ULK4: variants seen among roughly 807,000 people sequenced by gnomAD.
ULK4 encodes the protein inactive serine/threonine-protein kinase ULK4.
ULK4 carries 133 observed loss-of-function variants against 160.6 expected under a neutral mutation model. That is an observed-to-expected ratio of 0.83 (90% confidence interval 0.72 to 0.96). ULK4 has a LOEUF of 0.96. ULK4 is among the 40% of genes least tolerant of loss of function. The pLI is 0.00. For synonymous variants in ULK4, 534 were observed against 539.8 expected, an observed-to-expected ratio of 0.99 and a Z score of 0.15; for missense variants, 1,580 against 1,499.5, an observed-to-expected ratio of 1.05 and a Z score of -0.89.
intron 32 of ULK4, among the ~76,000 whole-genome samples, chr3:41,545,893 A>AT (rs1471701767): frequency 1.3e-5 from 2 of 151,974 alleles, no homozygotes; most frequent in South Asian, 2.1e-4. Context: ...CAGCCAGGTA[A>AT]TTTTTTTGTT....
At chr3:41,814,206 T>C (rs2040899062) in intron 19 of ULK4, among the ~76,000 whole-genome samples, 1 of 152,226 alleles carries the variant, frequency 6.6e-6, no homozygotes, top group Admixed American at 6.5e-5. Context: ...CAAGGATTTA[T>C]ATTGGTTGGA....
chr3:41,514,971 C>T (rs2085702401), intron 32 of ULK4, among the ~76,000 whole-genome samples: 1 of 152,026 alleles, frequency 6.6e-6, no homozygotes, highest in African/African-American at 2.4e-5. Context: ...AACAGATATG[C>T]TGGCTGTGCA....
At chr3:41,926,155 T>A (rs540623569) in intron 5 of ULK4, among the ~76,000 whole-genome samples, 1 of 152,272 alleles carries the variant, frequency 6.6e-6, no homozygotes, top group South Asian at 2.1e-4. Context: ...GAGGAAGGAA[T>A]AGGCAGCAAT....
chr3:41,661,410 T>G (rs1176357102), intron 30 of ULK4, among the ~76,000 whole-genome samples: 2 of 152,012 alleles, frequency 1.3e-5, no homozygotes, highest in African/African-American at 2.4e-5. Context: ...CGTGCCCACA[T>G]GTACACAGGT....
intron 35 of ULK4, among the ~76,000 whole-genome samples, chr3:41,350,808 T>C (rs2080894736): frequency 6.6e-6 from 1 of 152,312 alleles, no homozygotes; most frequent in Admixed American, 6.5e-5. Context: ...AGATTTCTTT[T>C]TGGAGAGAAA....
chr3:41,687,058 G>C (rs1023660826), intron 27 of ULK4, among the ~76,000 whole-genome samples: 2 of 151,974 alleles, frequency 1.3e-5, no homozygotes, highest in African/African-American at 2.4e-5. Context: ...ACTCCAGCCT[G>C]GGCGACAAAA....
At chr3:41,403,513 T>C (rs958776690) in intron 34 of ULK4, among the ~76,000 whole-genome samples, 1 of 152,188 alleles carries the variant, frequency 6.6e-6, no homozygotes, top group Non-Finnish European at 1.5e-5. Flanking sequence ...GGTTTTTCAA[T>C]TGTACTGATT....
chr3:41,443,843 C>G (rs1224053080), intron 34 of ULK4, among the ~76,000 whole-genome samples: 3 of 151,896 alleles, frequency 2.0e-5, no homozygotes, highest in East Asian at 3.9e-4. Flanking sequence ...ACTTATGTTA[C>G]AAATATTTTC....
intron 29 of ULK4, among the ~76,000 whole-genome samples, chr3:41,677,264 T>C (rs947844818): frequency 1.3e-5 from 2 of 151,890 alleles, no homozygotes; most frequent in African/African-American, 2.4e-5. Context: ...ACTCAAATAC[T>C]ATCTCTTTAT....
chr3:41,428,750 C>T (rs1403201536), intron 34 of ULK4, among the ~76,000 whole-genome samples: 1 of 152,024 alleles, frequency 6.6e-6, no homozygotes. Flanking sequence ...CCCTTCCTTA[C>T]AATATATACA....
intron 27 of ULK4, among the ~76,000 whole-genome samples, chr3:41,687,245 C>T (rs1038240111): frequency 4.0e-5 from 6 of 151,676 alleles, no homozygotes; most frequent in African/African-American, 9.7e-5. Context: ...TGGTGGCGCA[C>T]GCCTGTAGTC....
At chr3:41,807,373 C>T (rs1193168703) in intron 19 of ULK4, among the ~76,000 whole-genome samples, 1 of 151,966 alleles carries the variant, frequency 6.6e-6, no homozygotes, top group African/African-American at 2.4e-5. Context: ...TTTTACATTG[C>T]TTGGTTTGTT....
chr3:41,663,356 T>C (rs928626293), intron 30 of ULK4, among the ~76,000 whole-genome samples: 3 of 152,210 alleles, frequency 2.0e-5, no homozygotes, highest in African/African-American at 7.2e-5. Context: ...TTTCATCTCT[T>C]AAAAGAAGTT....
At chr3:41,288,305 T>C (rs2079500251) in intron 35 of ULK4, among the ~76,000 whole-genome samples, 1 of 152,178 alleles carries the variant, frequency 6.6e-6, no homozygotes, top group Admixed American at 6.5e-5. Context: ...CCCAGGAAGA[T>C]GAGCCCCACT....
rs2078892059 is a variant in ULK4 at position 41,258,982 on chromosome 3, AC to A, written c.3679-9409del. Among the ~76,000 whole-genome samples, 6 of 149,920 alleles carry A rather than the reference AC, an allele frequency of 4.0e-5. No individual in the cohort carries two copies. The East Asian group carries it at 9.7e-4, about 24-fold the overall frequency. Reference sequence around the variant, plus strand: ...TATATACATATATGTGTATATATATACAGATATACATATATACATATGTATA... The same window carrying A: ...TATATACATATATGTGTATATATATAAGATATACATATATACATATGTATA... On this transcript the variant is annotated intron_variant, in intron 35 of 36. Transcript: ENST00000301831.
intron 30 of ULK4, among the ~76,000 whole-genome samples, chr3:41,644,809 A>C (rs2034404123): frequency 6.6e-6 from 1 of 152,010 alleles, no homozygotes; most frequent in Non-Finnish European, 1.5e-5. Context: ...TTCGGCTGTG[A>C]ATCCATCTGG....
intron 1 of ULK4, among the ~76,000 whole-genome samples, chr3:41,958,710 G>T: frequency 6.8e-6 from 1 of 147,180 alleles, no homozygotes; most frequent in Admixed American, 6.8e-5. Context: ...GAGTGAAACT[G>T]TCTCAAAAAA....
At chr3:41,729,557 T>C (rs1486611951) in intron 22 of ULK4, among the ~76,000 whole-genome samples, 1 of 152,220 alleles carries the variant, frequency 6.6e-6, no homozygotes, top group Admixed American at 6.5e-5. Flanking sequence ...CTGCAGCCCC[T>C]TGGAGCAAAT....
intron 17 of ULK4, among the ~76,000 whole-genome samples, chr3:41,867,530 C>A (rs1366754205): frequency 6.6e-6 from 1 of 152,180 alleles, no homozygotes; most frequent in African/African-American, 2.4e-5. Flanking sequence ...TACCACCATG[C>A]CCAGATAATT....
Sources: gnomAD v4.1 joint callset for allele counts (sites outside exome capture counted in the v4.1 genomes callset) on GRCh38, gnomAD v4.1.1 for gene constraint, MANE v1.5 for transcripts, NCBI Gene and HGNC (gene_info 2026-07-23, HGNC 2026-07-21) for gene names.